OTULINL: variants seen among roughly 807,000 people sequenced by gnomAD.
The protein encoded by OTULINL is inactive ubiquitin thioesterase OTULINL.
In OTULINL, 42 loss-of-function variants were observed where a neutral mutation model predicts 43.9. That is an observed-to-expected ratio of 0.96 (90% CI 0.75 to 1.24). OTULINL has a LOEUF of 1.24. Among genes scored for constraint, OTULINL ranks in the 50% most tolerant of loss-of-function variants. The pLI, the probability that OTULINL is intolerant of heterozygous loss-of-function variation, is 0.00. For missense variants in OTULINL, 411 were observed against 426.4 expected, an observed-to-expected ratio of 0.96 and a Z score of 0.32; for synonymous variants, 172 against 153.6, an observed-to-expected ratio of 1.12 and a Z score of -0.88.
Position 14,613,820 on chromosome 5 carries a change from C to T in OTULINL, c.*3506C>T, listed in dbSNP as rs1759623270. ...GGGCTCAACCTCCATGAGAGAAGAG[C>T]AGCCAGGATCAGGGGGCATTAACGT... On this transcript the variant is annotated 3_prime_UTR_variant, in exon 8 of 8. Coordinates refer to ENST00000274217, the MANE Select transcript of OTULINL (RefSeq NM_019018.3). 6.6e-6 allele frequency among the ~76,000 whole-genome samples: 1 copy of T among 152,164 alleles called. No individual in the cohort carries two copies. The highest frequency in any genetic ancestry group is 1.5e-5 in the Non-Finnish European group (1 of 68,038).
In OTULINL at chr5:14,608,799, A is replaced by G. The variant is rs1759522910; in HGVS notation, c.679A>G (p.Asn227Asp). 1 of 1,613,456 alleles carries G rather than the reference A, an allele frequency of 6.2e-7. No individual in the cohort carries two copies. Among genetic ancestry groups the G allele is most frequent in the South Asian group, 1.1e-5 (1 of 91,078 alleles). ...TTATCACAAGAGAGGAAGTATGTGCAACACCCTTTTTTCAGATGCCATTCT... is the reference window on the plus strand; with the variant it reads ...TTATCACAAGAGAGGAAGTATGTGCGACACCCTTTTTTCAGATGCCATTCT... ...RDYHKRGSMC[N>D]TLFSDAILEY... The change falls in exon 7 of 8, where the codon AAC becomes GAC. Residue 227 changes from asparagine to aspartate, a missense_variant. Physicochemically the swap from Asn to Asp is conservative, Grantham distance 23 (BLOSUM62 1). Coordinates refer to ENST00000274217, the MANE Select transcript of OTULINL (RefSeq NM_019018.3).
chr5:14,607,230 G>GAA, intron 5 of OTULINL, 100 bp from the exon 6 acceptor site: 376 of 1,075,410 alleles, frequency 3.5e-4, no homozygotes, highest in African/African-American at 5.5e-4. Flanking sequence ...ATTCCATCTC[G>GAA]AAAAAAAAAA....
At chr5:14,589,280 CAG>C (rs1189578017) in intron 1 of OTULINL, among the ~76,000 whole-genome samples, 2 of 152,144 alleles carry the variant, frequency 1.3e-5, no homozygotes, top group African/African-American at 4.8e-5. Flanking sequence ...AGGTTGGAAA[CAG>C]AGAAGTGATG....
At position 14,610,318 on chromosome 5, in the gene OTULINL, C is replaced by T. The variant is rs201065638; in HGVS notation, c.*4C>T. The stretch of plus-strand genomic sequence containing the variant: ...CTACCACATTCCAGTCTTTTAAGTC[C>T]GCTGGGGGCCGAACAGCAGTGCTCA... On this transcript the variant is annotated 3_prime_UTR_variant, in exon 8 of 8. Coordinates refer to ENST00000274217, the MANE Select transcript of OTULINL (RefSeq NM_019018.3). 3.7e-5 allele frequency: 59 copies of T among 1,612,084 alleles called. No individual in the cohort carries two copies. In the South Asian group the frequency reaches 5.2e-4, roughly 14 times the overall value.
chr5:14,592,697 T>C (rs774152841), intron 1 of OTULINL, among the ~76,000 whole-genome samples: 2 of 152,092 alleles, frequency 1.3e-5, no homozygotes, highest in Non-Finnish European at 2.9e-5. Flanking sequence ...CCATGAAAAA[T>C]GTAAAAGGTC....
rs780365818 is a variant in OTULINL at position 14,581,889 on chromosome 5, G to A, written c.-6G>A. On this transcript the variant is annotated 5_prime_UTR_variant, in exon 1 of 8. Transcript: ENST00000274217. ...AGGCCCAGCGCCCGTCCGCAGCGCGGCCGGCATGGCGGCGACAAGGAGCCC... is the reference window on the plus strand; with the variant it reads ...AGGCCCAGCGCCCGTCCGCAGCGCGACCGGCATGGCGGCGACAAGGAGCCC... 1 of 1,410,624 alleles carries A rather than the reference G, an allele frequency of 7.1e-7. No individual in the cohort carries two copies. The highest frequency in any genetic ancestry group is 9.2e-7 in the Non-Finnish European group (1 of 1,082,540). 87.4% of individuals were successfully genotyped at this position (1,410,624 alleles called of 1,614,324 possible). A position where few individuals can be genotyped will look rare whatever the true frequency, so the allele number is the denominator to read the frequency against.
chr5:14,583,072 T>A lies in OTULINL; in HGVS notation c.64+1114T>A, dbSNP rs144050971. 4.9e-4 allele frequency among the ~76,000 whole-genome samples: 74 copies of A among 152,324 alleles called. 1 individual carries two copies. Among genetic ancestry groups the A allele is most frequent in the African/African-American group, 1.6e-3 (67 of 41,584 alleles). Reference sequence around the variant, plus strand: ...AACACACAGTTTGGGCTGCAGGAACTGCAGTGATTATGGCAAATTGGCAGG... The same window carrying A: ...AACACACAGTTTGGGCTGCAGGAACAGCAGTGATTATGGCAAATTGGCAGG... On this transcript the variant is annotated intron_variant, in intron 1 of 7. Transcript: ENST00000274217.
intron 1 of OTULINL, among the ~76,000 whole-genome samples, chr5:14,586,157 C>T (rs1386518885): frequency 1.3e-5 from 2 of 152,180 alleles, no homozygotes; most frequent in Non-Finnish European, 1.5e-5. Flanking sequence ...TCCTCTGGTA[C>T]ATGTTCAGCT....
At chr5:14,603,354 T>A (rs1759421366) in intron 5 of OTULINL, among the ~76,000 whole-genome samples, 1 of 152,242 alleles carries the variant, frequency 6.6e-6, no homozygotes, top group Non-Finnish European at 1.5e-5. Context: ...GGAGTGAGAC[T>A]GCCTGCTTGT....
At chr5:14,600,648 T>G (rs1189170633) in intron 1 of OTULINL, among the ~76,000 whole-genome samples, 1 of 152,180 alleles carries the variant, frequency 6.6e-6, no homozygotes, top group Non-Finnish European at 1.5e-5. Flanking sequence ...GTTGCCATAG[T>G]CACACATCAA....
At position 14,601,353 on chromosome 5, in the gene OTULINL, A is replaced by G; in HGVS notation, c.259A>G (p.Asn87Asp). The G allele has an allele frequency of 6.2e-7, 1 of 1,614,098 alleles. No individual in the cohort carries two copies. The highest frequency in any genetic ancestry group is 8.5e-7 in the Non-Finnish European group (1 of 1,179,994). The change falls in exon 4 of 8, where the codon AAC becomes GAC. Residue 87 changes from asparagine to aspartate, a missense_variant and splice_region_variant. Physicochemically the swap from Asn to Asp is conservative, Grantham distance 23. Transcript: ENST00000274217. ...IGYLQRKFKRNLSVEAEVDLL... is the reference protein window; with the variant it reads ...IGYLQRKFKRDLSVEAEVDLL... Reference sequence around the variant, plus strand: ...TTTTTATTTTTTATTTGGTCCAGGGAACCTCAGTGTGGAGGCAGAGGTTGA... The same window carrying G: ...TTTTTATTTTTTATTTGGTCCAGGGGACCTCAGTGTGGAGGCAGAGGTTGA...
chr5:14,601,558 C>T, intron 4 of OTULINL, 116 bp downstream of exon 4: 1 of 915,852 alleles, frequency 1.1e-6, no homozygotes, highest in Non-Finnish European at 1.7e-6. Flanking sequence ...AAATGTGAGT[C>T]AAGTAACAAC....
chr5:14,586,750 G>T (rs888688798), intron 1 of OTULINL, among the ~76,000 whole-genome samples: 1 of 152,034 alleles, frequency 6.6e-6, no homozygotes, highest in Non-Finnish European at 1.5e-5. Flanking sequence ...ATTATTGGTT[G>T]TTAATGAATA....
In OTULINL at chr5:14,615,026, T is replaced by C. The variant is rs530553229; in HGVS notation, c.*4712T>C. On this transcript the variant is annotated 3_prime_UTR_variant, in exon 8 of 8. Coordinates refer to ENST00000274217, the MANE Select transcript of OTULINL (RefSeq NM_019018.3). ...TTAAGTATTTTCATCGTAGTCTAGATGGGCTGTAAAACCCATTTCCACACG... is the reference window on the plus strand; with the variant it reads ...TTAAGTATTTTCATCGTAGTCTAGACGGGCTGTAAAACCCATTTCCACACG... 91 of 325,222 alleles carry C rather than the reference T, an allele frequency of 2.8e-4. No individual in the cohort carries two copies. The highest frequency in any genetic ancestry group is 4.5e-4 in the Non-Finnish European group (81 of 180,466). 20.1% of individuals were successfully genotyped at this position (325,222 alleles called of 1,614,324 possible).
At chr5:14,604,496 A>T (rs1186152717) in intron 5 of OTULINL, among the ~76,000 whole-genome samples, 3 of 152,206 alleles carry the variant, frequency 2.0e-5, no homozygotes, top group Non-Finnish European at 4.4e-5. Flanking sequence ...TTTCAGCATT[A>T]ACTCAAAAGT....
At chr5:14,599,732 AC>A (rs1759350216) in intron 1 of OTULINL, among the ~76,000 whole-genome samples, 1 of 152,214 alleles carries the variant, frequency 6.6e-6, no homozygotes, top group Non-Finnish European at 1.5e-5. Flanking sequence ...TCTCATTTGT[AC>A]TTCAGCATTT....
Position 14,602,226 on chromosome 5 carries a change from G to A in OTULINL, c.392G>A (p.Arg131Gln), listed in dbSNP as rs773276642. The A allele has an allele frequency of 1.2e-5, 20 of 1,612,744 alleles. No homozygotes were observed. In the South Asian group the frequency reaches 1.7e-4, roughly 13 times the overall value. The part of the protein sequence containing the change: ...LFWRHHIKCV[R>Q]QVRRDNYDAL... ...TGGCGGCATCACATTAAATGTGTTC[G>A]ACAAGTAAGGAGAGATAACTATGAT... The change falls in exon 5 of 8, where the codon CGA (arginine) becomes CAA (glutamine). Residue 131 changes from arginine (R) to glutamine (Q), a missense_variant. Physicochemically the swap from Arg to Gln is conservative, Grantham distance 43. Transcript: ENST00000274217.
chr5:14,582,440 C>T (rs148702171), intron 1 of OTULINL, among the ~76,000 whole-genome samples: 2,228 of 152,074 alleles, frequency 0.015, 59 homozygotes, highest in African/African-American at 0.051. Flanking sequence ...GAGGATGTGG[C>T]GCACACCTTC....
At chr5:14,608,647 C>T in intron 6 of OTULINL, 101 bp from the exon 7 acceptor site, 2 of 989,292 alleles carry the variant, frequency 2.0e-6, no homozygotes, top group Non-Finnish European at 1.4e-6. Context: ...CCACTTTTTT[C>T]TATTAATCTT....
Sources: gnomAD v4.1 joint callset for allele counts (sites outside exome capture counted in the v4.1 genomes callset) on GRCh38, gnomAD v4.1.1 for gene constraint, MANE v1.5 for transcripts, NCBI Gene and HGNC (gene_info 2026-07-23, HGNC 2026-07-21) for gene names.